The following XPO5 variants were observed in gnomAD, a reference collection of about 807,000 sequenced individuals.
XPO5 encodes the protein exportin 5.
In XPO5, 46 loss-of-function variants were observed where a neutral mutation model predicts 160.6. The observed-to-expected ratio is 0.29, with a 90% confidence interval of 0.23 to 0.37. The LOEUF (loss-of-function observed/expected upper bound fraction) is 0.37. Among genes scored for constraint, XPO5 ranks in the 10% least tolerant of loss-of-function variants. The probability of loss-of-function intolerance (pLI) is 1.00; values close to 1 mark genes in which losing one functional copy is unlikely to be tolerated. For missense variants in XPO5, 1,090 were observed against 1,463.9 expected (o/e 0.74, Z 4.17); for synonymous variants, 537 against 519.3 (o/e 1.03, Z -0.46).
chr6:43,533,249 CACACACACACACACGAG>C (rs1012155656), intron 21 of XPO5: 5 of 138,062 alleles, frequency 3.6e-5, no homozygotes, highest in African/African-American at 1.6e-4. Flanking sequence ...CACACACACA[CACACACACACACACGAG>C]GAGGCAGGAA....
chr6:43,553,324 G>T, intron 14 of XPO5, 49 bp downstream of exon 14: 1 of 1,568,598 alleles, frequency 6.4e-7, no homozygotes, highest in Non-Finnish European at 8.6e-7. Context: ...GAAAAGAAAA[G>T]AAAAAGGTCA....
At position 43,525,230 on chromosome 6, in the gene XPO5, T is replaced by G; in HGVS notation, c.3067-16A>C. ...TACAAACATCCTGAACAGGAAAAGA[T>G]GAAGAGTTACAATGGAAAAAGAAGC... On this transcript the variant is annotated splice_polypyrimidine_tract_variant and intron_variant, in intron 28 of 31. Transcript: ENST00000265351. The G allele has an allele frequency of 6.4e-7, 1 of 1,560,900 alleles. No homozygotes were observed. Among genetic ancestry groups the G allele is most frequent in the South Asian group, 1.2e-5 (1 of 84,746 alleles).
intron 21 of XPO5, among the ~76,000 whole-genome samples, chr6:43,531,807 TC>T (rs920406631): frequency 2.0e-5 from 3 of 151,372 alleles, no homozygotes; most frequent in African/African-American, 7.3e-5. Flanking sequence ...CTTTTTTTTT[TC>T]CCCCAGATGG....
rs1187745609 is a variant in XPO5, at chr6:43,550,059, T to A, written c.1729-125A>T. ...GATTCTCCTGCTTTAGCCTTCTGAG[T>A]AGCTGGGACTACGGGCATGAGCTTA... On this transcript the variant is annotated intron_variant, in intron 15 of 31. Transcript: ENST00000265351. 6.3e-6 allele frequency: 6 copies of A among 958,672 alleles called. No homozygotes were observed. The African/African-American group carries it at 8.1e-5, about 13-fold the overall frequency. 59.4% of individuals were successfully genotyped at this position (958,672 alleles called of 1,614,324 possible).
chr6:43,528,122 G>A (rs919963594), intron 25 of XPO5, 37 bp downstream of exon 25: 4 of 1,570,388 alleles, frequency 2.5e-6, no homozygotes, highest in Non-Finnish European at 3.5e-6. Context: ...CTGGCTGCCA[G>A]TTCATCCACC....
At position 43,573,480 on chromosome 6, in the gene XPO5, T is replaced by C. The variant is rs752318206; in HGVS notation, c.227A>G (p.Lys76Arg). 1.3e-5 allele frequency: 21 copies of C among 1,613,114 alleles called. No individual in the cohort carries two copies. The highest frequency in any genetic ancestry group is 2.2e-5 in the East Asian group (1 of 44,870). Residue 76 changes from lysine to arginine, a missense_variant and splice_region_variant, in exon 2 of 32, where the codon AAG becomes AGG. By Grantham distance (26) the Lys-to-Arg change is conservative (BLOSUM62 2). This residue lies in a region of XPO5 where 170 missense variants were observed against 227.0 expected (regional missense o/e 0.75). Coordinates refer to ENST00000265351, the MANE Select transcript of XPO5 (RefSeq NM_020750.3). ...FGLQILEHVV[K>R]FRWNGMSRLE... is the part of the protein sequence containing the mutation. Reference sequence around the variant, plus strand: ...GTGGTAATGTCCAAGAGCTCCTTACTTGACAACGTGTTCCAGGATCTGAAG... The same window carrying C: ...GTGGTAATGTCCAAGAGCTCCTTACCTGACAACGTGTTCCAGGATCTGAAG...
intron 1 of XPO5, 114 bp downstream of exon 1, chr6:43,575,646 A>AGGAG: frequency 1.1e-6 from 1 of 914,930 alleles, no homozygotes; most frequent in East Asian, 2.7e-5. Context: ...GAGTTGGGAA[A>AGGAG]GGAGGTCCAG....
intron 8 of XPO5, among the ~76,000 whole-genome samples, chr6:43,564,431 A>G (rs1449377219): frequency 6.6e-6 from 1 of 151,868 alleles, no homozygotes; most frequent in Admixed American, 6.6e-5. Context: ...TGGGAGGGTG[A>G]GGCAGGAGAA....
chr6:43,550,241 A>G lies in XPO5; in HGVS notation c.1729-307T>C, dbSNP rs374679158. ...TCTCTCTTCTTTTATCAAAAGTTGT[A>G]TGGTCTATCCCTTCTATTCCATTTC... On this transcript the variant is annotated intron_variant, in intron 15 of 31. Transcript: ENST00000265351. Among the ~76,000 whole-genome samples the G allele has an allele frequency of 1.1e-4, 16 of 152,280 alleles. No individual in the cohort carries two copies. In the East Asian group the frequency reaches 3.1e-3, roughly 29 times the overall value.
At chr6:43,555,304 T>C (rs1209322032) in intron 13 of XPO5, 1 of 152,238 alleles carries the variant, frequency 6.6e-6, no homozygotes, top group Non-Finnish European at 1.5e-5. Flanking sequence ...ACAAAACATT[T>C]GGAGTACAGA....
At chr6:43,526,816 C>G (rs906852774) in intron 26 of XPO5, 69 bp from the exon 27 acceptor site, 1 of 1,518,908 alleles carries the variant, frequency 6.6e-7, no homozygotes, top group African/African-American at 1.4e-5. Flanking sequence ...ACCTCAGGCC[C>G]ACTGATCCCA....
chr6:43,524,120 G>A, intron 31 of XPO5, 115 bp from the exon 32 acceptor site: 1 of 1,441,778 alleles, frequency 6.9e-7, no homozygotes, highest in African/African-American at 1.4e-5. Context: ...GGGAGGCCAA[G>A]GCGGGTGGAT....
rs780007210 is a variant in XPO5, at chr6:43,551,331, G to A, written c.1695C>T (p.Tyr565=). 3.7e-6 allele frequency: 6 copies of A among 1,613,750 alleles called. No individual in the cohort carries two copies. The East Asian group carries it at 6.7e-5, about 18-fold the overall frequency. The part of the protein sequence containing the change: ...NVSALFPFVT[Y]RPEFLPQVFS... ...AGACCTGGGGCAGGAACTCTGGTCTGTAGGTGACAAATGGAAAGAGTGCAG... is the reference window on the plus strand; with the variant it reads ...AGACCTGGGGCAGGAACTCTGGTCTATAGGTGACAAATGGAAAGAGTGCAG... Residue 565 remains tyrosine, a synonymous_variant, in exon 15 of 32, where the codon TAC becomes TAT. Transcript: ENST00000265351.
Position 43,522,876 on chromosome 6 carries a change from T to C in XPO5, c.*992A>G, listed in dbSNP as rs1793283762. On this transcript the variant is annotated 3_prime_UTR_variant, in exon 32 of 32. Coordinates refer to ENST00000265351, the MANE Select transcript of XPO5 (RefSeq NM_020750.3). ...CAGGGCCTTTCAGTGACCTCTAGAA[T>C]GGACTCACAGTACAGGTTGTGATGT... The C allele has an allele frequency of 4.6e-6, 1 of 219,734 alleles. No individual in the cohort carries two copies. Among genetic ancestry groups the C allele is most frequent in the Non-Finnish European group, 1.1e-5 (1 of 94,198 alleles). 13.6% of individuals were successfully genotyped at this position (219,734 alleles called of 1,614,324 possible). A position where few individuals can be genotyped will look rare whatever the true frequency, so the allele number is the denominator to read the frequency against.
intron 12 of XPO5, 200 bp from the exon 13 acceptor site, chr6:43,556,164 A>G (rs1762075409): frequency 1.6e-6 from 1 of 606,552 alleles, no homozygotes; most frequent in East Asian, 3.2e-5. Flanking sequence ...ATCTCTGGAA[A>G]CTGTATTACC....
chr6:43,523,593 G>A lies in XPO5; in HGVS notation c.*275C>T, dbSNP rs749895200. 3.1e-6 allele frequency: 2 copies of A among 643,202 alleles called. No homozygotes were observed. Among genetic ancestry groups the A allele is most frequent in the Non-Finnish European group, 5.9e-6 (2 of 337,538 alleles). The allele number at this position is 643,202 out of a possible 1,614,324, so 39.8% of individuals were successfully genotyped here. ...GTGGGAGAAGGGCTGCTCTGCTCTA[G>A]CTTTTCTTGGAAAAGCCAAATCTCC... On this transcript the variant is annotated 3_prime_UTR_variant, in exon 32 of 32. Transcript: ENST00000265351.
At chr6:43,545,872 C>G (rs1010295683) in intron 20 of XPO5, among the ~76,000 whole-genome samples, 5 of 152,120 alleles carry the variant, frequency 3.3e-5, no homozygotes, top group Admixed American at 3.3e-4. Context: ...TGGCCTACTT[C>G]CACTTGAATA....
rs11544379 is a variant in XPO5, at chr6:43,551,372, C to T, written c.1654G>A (p.Val552Ile). The change falls in exon 15 of 32, where the codon GTC (valine) becomes ATC (isoleucine). Residue 552 changes from valine (V) to isoleucine (I), a missense_variant. Val to Ile is a conservative substitution (Grantham distance 29). Transcript: ENST00000265351. ...AAGAGTGCAGAGACATTAGTAAGGA[C>T]GCAGGACAGGATGAGGGGATCCTTG... ...DTKDPLILSC[V>I]LTNVSALFPF... 5.0e-6 allele frequency: 8 copies of T among 1,613,712 alleles called. No individual in the cohort carries two copies. Among genetic ancestry groups the T allele is most frequent in the East Asian group, 2.2e-5 (1 of 44,898 alleles).
At chr6:43,524,997 CAG>C (rs936936986) in intron 29 of XPO5, 29 bp from the exon 30 acceptor site, 4 of 1,608,680 alleles carry the variant, frequency 2.5e-6, no homozygotes, top group Non-Finnish European at 2.5e-6. Context: ...TTTAGGGCCA[CAG>C]GGGGCCTCTC....
Sources: gnomAD v4.1 joint callset for allele counts (sites outside exome capture counted in the v4.1 genomes callset) on GRCh38, gnomAD v4.1.1 for gene constraint, gnomAD v4.1.1 regional missense constraint, MANE v1.5 for transcripts, NCBI Gene and HGNC (gene_info 2026-07-23, HGNC 2026-07-21) for gene names.